The following ENTHD1 variants were observed in gnomAD, a reference collection of about 807,000 sequenced individuals.
ENTHD1 encodes the protein ENTH domain containing 1.
A neutral mutation model predicts 39.1 loss-of-function variants in ENTHD1; 23 were observed. The observed-to-expected ratio is 0.59, with a 90% CI of 0.42 to 0.83. The LOEUF is 0.83. Among genes scored for constraint, ENTHD1 ranks in the 40% least tolerant of loss-of-function variants. ENTHD1 has a pLI of 0.00. For synonymous variants in ENTHD1, 230 were observed against 258.2 expected (o/e 0.89, Z 1.05); for missense variants, 624 against 705.4 (o/e 0.88, Z 1.31).
At chr22:39,773,358 A>G (rs1569134497) in intron 5 of ENTHD1, among the ~76,000 whole-genome samples, 3 of 152,186 alleles carry the variant, frequency 2.0e-5, no homozygotes, top group African/African-American at 4.8e-5. Flanking sequence ...CACATGGTCT[A>G]TTCACTGAGA....
rs184149304 is a variant in ENTHD1 at position 39,754,048 on chromosome 22, C to T, written c.1220-9765G>A. 3.5e-3 allele frequency among the ~76,000 whole-genome samples: 533 copies of T among 152,268 alleles called. 4 individuals carry two copies. The highest frequency in any genetic ancestry group is 0.011 in the African/African-American group (468 of 41,554). On this transcript the variant is annotated intron_variant, in intron 6 of 6. Coordinates refer to ENST00000325157, the MANE Select transcript of ENTHD1 (RefSeq NM_152512.4). ...CCTTGCTGCCATGTATTCTGCCTTA[C>T]CTGCTAACTTGTAATCCGGGGGTCA...
chr22:39,761,799 T>C (rs2065235338), intron 6 of ENTHD1, among the ~76,000 whole-genome samples: 1 of 152,136 alleles, frequency 6.6e-6, no homozygotes, highest in African/African-American at 2.4e-5. Flanking sequence ...GTTTTTTGCC[T>C]GCCGAGATGC....
intron 2 of ENTHD1, among the ~76,000 whole-genome samples, chr22:39,866,657 C>G (rs2066184077): frequency 6.6e-6 from 1 of 152,158 alleles, no homozygotes; most frequent in Non-Finnish European, 1.5e-5. Context: ...TCCCGCTGTG[C>G]CCTATGCAGA....
At chr22:39,796,917 CT>C (rs1406669872) in intron 5 of ENTHD1, among the ~76,000 whole-genome samples, 4 of 152,112 alleles carry the variant, frequency 2.6e-5, no homozygotes, top group African/African-American at 9.7e-5. Flanking sequence ...TACAACGTTT[CT>C]TTTTGATTTT....
intron 6 of ENTHD1, among the ~76,000 whole-genome samples, chr22:39,746,539 G>A (rs1055867963): frequency 2.6e-5 from 4 of 152,190 alleles, no homozygotes; most frequent in African/African-American, 4.8e-5. Flanking sequence ...TTATGTTTAA[G>A]TGTGGAGGAT....
At chr22:39,794,821 G>A (rs972377467) in intron 5 of ENTHD1, among the ~76,000 whole-genome samples, 2 of 149,122 alleles carry the variant, frequency 1.3e-5, no homozygotes, top group Non-Finnish European at 3.0e-5. Flanking sequence ...AAAAAAAAAA[G>A]TGGCATCCTT....
intron 2 of ENTHD1, chr22:39,875,727 T>C (rs540581891): frequency 2.5e-6 from 4 of 1,613,044 alleles, no homozygotes; most frequent in Non-Finnish European, 2.5e-6. Context: ...TCTGCTGATG[T>C]GTTGGCCCTG....
chr22:39,802,484 C>T (rs945029092), intron 5 of ENTHD1, among the ~76,000 whole-genome samples: 3 of 152,202 alleles, frequency 2.0e-5, no homozygotes, highest in Non-Finnish European at 2.9e-5. Context: ...GGCAGGACCC[C>T]TCTGGAATGA....
intron 2 of ENTHD1, among the ~76,000 whole-genome samples, chr22:39,881,297 A>G (rs2066336174): frequency 6.6e-6 from 1 of 152,360 alleles, no homozygotes; most frequent in East Asian, 1.9e-4. Context: ...CAATAAGTAC[A>G]ATATAGAATA....
At chr22:39,772,788 G>T (rs1483802603) in intron 5 of ENTHD1, among the ~76,000 whole-genome samples, 1 of 152,016 alleles carries the variant, frequency 6.6e-6, no homozygotes, top group Non-Finnish European at 1.5e-5. Context: ...GCTTTATAAA[G>T]ATATACCATG....
At chr22:39,809,620 C>T (rs915856398) in intron 5 of ENTHD1, among the ~76,000 whole-genome samples, 1 of 152,174 alleles carries the variant, frequency 6.6e-6, no homozygotes, top group Non-Finnish European at 1.5e-5. Context: ...TGCTCAGCCA[C>T]CTTTTAATTG....
intron 5 of ENTHD1, among the ~76,000 whole-genome samples, chr22:39,785,712 A>C (rs1214425219): frequency 6.6e-6 from 1 of 152,104 alleles, no homozygotes; most frequent in Non-Finnish European, 1.5e-5. Context: ...GCCTGGTTCA[A>C]CTTGTTCAAC....
At chr22:39,847,051 C>A (rs962306596) in intron 3 of ENTHD1, among the ~76,000 whole-genome samples, 1 of 152,166 alleles carries the variant, frequency 6.6e-6, no homozygotes, top group Admixed American at 6.5e-5. Flanking sequence ...TGGGTATATA[C>A]CCAAAGGACA....
intron 3 of ENTHD1, among the ~76,000 whole-genome samples, chr22:39,849,004 C>T (rs2066013985): frequency 6.6e-6 from 1 of 152,134 alleles, no homozygotes; most frequent in Non-Finnish European, 1.5e-5. Context: ...CTGTCATTTA[C>T]TGATTCCATA....
chr22:39,755,975 G>A (rs1354006208), intron 6 of ENTHD1, among the ~76,000 whole-genome samples: 1 of 152,076 alleles, frequency 6.6e-6, no homozygotes, highest in Non-Finnish European at 1.5e-5. Context: ...TCACTCCAGA[G>A]CCTGTGCTAT....
intron 5 of ENTHD1, among the ~76,000 whole-genome samples, chr22:39,769,229 G>T (rs2065303163): frequency 6.6e-6 from 1 of 152,126 alleles, no homozygotes. Flanking sequence ...GAATATATTT[G>T]CTCAGCAACA....
intron 4 of ENTHD1, among the ~76,000 whole-genome samples, chr22:39,835,630 G>A (rs1241791362): frequency 1.3e-5 from 2 of 152,038 alleles, no homozygotes; most frequent in African/African-American, 4.8e-5. Context: ...ACATGAAGCT[G>A]CAAAAGACAA....
At chr22:39,840,530 C>A (rs1458195183) in intron 3 of ENTHD1, among the ~76,000 whole-genome samples, 3 of 152,156 alleles carry the variant, frequency 2.0e-5, no homozygotes, top group Non-Finnish European at 2.9e-5. Flanking sequence ...CATATAATAA[C>A]CATGTCCTTT....
intron 6 of ENTHD1, among the ~76,000 whole-genome samples, chr22:39,753,843 G>A (rs545587196): frequency 2.0e-5 from 3 of 151,878 alleles, no homozygotes; most frequent in South Asian, 2.1e-4. Flanking sequence ...TTTTCTTCTC[G>A]CTTACTTCCA....
Sources: gnomAD v4.1 joint callset for allele counts (sites outside exome capture counted in the v4.1 genomes callset) on GRCh38, gnomAD v4.1.1 for gene constraint, MANE v1.5 for transcripts, NCBI Gene and HGNC (gene_info 2026-07-23, HGNC 2026-07-21) for gene names.